Variants in CAPN3 observed in about 807,000 individuals in gnomAD.
The protein encoded by CAPN3 is calpain-3.
A neutral mutation model predicts 114.0 loss-of-function variants in CAPN3; 88 were observed. The observed-to-expected ratio is 0.77, with a 90% CI of 0.65 to 0.92. The LOEUF is 0.92. Among genes scored for constraint, CAPN3 ranks in the 40% least tolerant of loss-of-function variants. The pLI is 0.00. For synonymous variants in CAPN3, 386 were observed against 382.9 expected (o/e 1.01, Z -0.09); for missense variants, 1,028 against 1,069.0 (o/e 0.96, Z 0.53).
chr15:42,411,383 A>G, intron 23 of CAPN3, 38 bp downstream of exon 23: 2 of 1,595,442 alleles, frequency 1.3e-6, no homozygotes, highest in South Asian at 2.2e-5. Context: ...CTACACATTA[A>G]AACTCAAGGT....
At chr15:42,398,192 G>A (rs1197082871) in intron 9 of CAPN3, among the ~76,000 whole-genome samples, 1 of 151,666 alleles carries the variant, frequency 6.6e-6, no homozygotes, top group Non-Finnish European at 1.5e-5. Context: ...CATATACAAT[G>A]TGTAATGATC....
intron 9 of CAPN3, among the ~76,000 whole-genome samples, chr15:42,398,652 TATATACACACAC>T (rs1421189934): frequency 5.4e-5 from 8 of 147,634 alleles, no homozygotes; most frequent in African/African-American, 1.0e-4. Flanking sequence ...TACACACATA[TATATACACACAC>T]ATATACACAC....
intron 23 of CAPN3, 73 bp from the exon 24 acceptor site, chr15:42,411,674 T>G: frequency 1.7e-6 from 1 of 598,576 alleles, no homozygotes; most frequent in Non-Finnish European, 2.8e-6. Flanking sequence ...TCTTGCCCCG[T>G]AAGATTCCTA....
intron 8 of CAPN3, among the ~76,000 whole-genome samples, chr15:42,395,345 C>CT (rs1402079334): frequency 1.3e-5 from 2 of 152,162 alleles, no homozygotes; most frequent in Non-Finnish European, 2.9e-5. Flanking sequence ...CTGCCAGGCC[C>CT]TAGGCTACCC....
At chr15:42,407,032 C>G (rs1383169478) in intron 15 of CAPN3, among the ~76,000 whole-genome samples, 1 of 152,126 alleles carries the variant, frequency 6.6e-6, no homozygotes, top group Non-Finnish European at 1.5e-5. Flanking sequence ...AGAGGCTCTG[C>G]CTGCCCAGTT....
At chr15:42,406,495 C>T (rs926414245) in intron 15 of CAPN3, among the ~76,000 whole-genome samples, 5 of 152,136 alleles carry the variant, frequency 3.3e-5, no homozygotes, top group Non-Finnish European at 7.4e-5. Context: ...TGCTTGGGGT[C>T]AGTCCCTCTC....
intron 1 of CAPN3, among the ~76,000 whole-genome samples, chr15:42,370,660 G>A (rs1339364922): frequency 1.3e-5 from 2 of 152,122 alleles, no homozygotes; most frequent in Non-Finnish European, 1.5e-5. Context: ...GAACCAAACA[G>A]ACCCGGTCTG....
At chr15:42,362,690 C>T (rs924560522) in intron 1 of CAPN3, among the ~76,000 whole-genome samples, 5 of 152,182 alleles carry the variant, frequency 3.3e-5, no homozygotes, top group Non-Finnish European at 7.4e-5. Flanking sequence ...GCTCCAGTGT[C>T]CTTGCTTTAT....
chr15:42,394,463 ATGATCCGC>A, intron 8 of CAPN3, 122 bp downstream of exon 8: 1 of 809,196 alleles, frequency 1.2e-6, no homozygotes, highest in Non-Finnish European at 2.1e-6. Flanking sequence ...CTCAAAACCA[ATGATCCGC>A]AGAGAAGAGG....
Position 42,399,489 on chromosome 15 carries a change from C to T in CAPN3, c.1194-3C>T, listed in dbSNP as rs1326837167. 2 of 1,612,206 alleles carry T rather than the reference C, an allele frequency of 1.2e-6. No individual in the cohort carries two copies. The highest frequency in any genetic ancestry group is 1.6e-4 in the Middle Eastern group (1 of 6,084). On this transcript the variant is annotated splice_polypyrimidine_tract_variant and splice_region_variant and intron_variant, in intron 9 of 23. Coordinates refer to ENST00000397163, the MANE Select transcript of CAPN3 (RefSeq NM_000070.3). ...GGCTCTCTCTCTTCTTCCAACCTCTCAGGATGTCCTATGAGGATTTCATCT... is the reference window on the plus strand; with the variant it reads ...GGCTCTCTCTCTTCTTCCAACCTCTTAGGATGTCCTATGAGGATTTCATCT...
chr15:42,381,238 G>A (rs577942275), intron 1 of CAPN3, among the ~76,000 whole-genome samples: 1 of 151,870 alleles, frequency 6.6e-6, no homozygotes, highest in Admixed American at 6.6e-5. Context: ...TTCTTTATGT[G>A]GGTCCAAGTT....
At chr15:42,385,529 C>CAGAG (rs560457739) in intron 2 of CAPN3, 2 of 382,292 alleles carry the variant, frequency 5.2e-6, no homozygotes, top group Admixed American at 3.2e-5. Context: ...TATATACACA[C>CAGAG]ACAGAGAGAG....
At chr15:42,380,751 A>ATTTTT (rs59923448) in intron 1 of CAPN3, among the ~76,000 whole-genome samples, 10 of 64,486 alleles carry the variant, frequency 1.6e-4, no homozygotes, top group African/African-American at 4.5e-4. Flanking sequence ...ATATATATAT[A>ATTTTT]TTTTTTTTTT....
chr15:42,396,101 G>C (rs1342664012), intron 8 of CAPN3, among the ~76,000 whole-genome samples: 3 of 152,126 alleles, frequency 2.0e-5, no homozygotes, highest in African/African-American at 7.2e-5. Flanking sequence ...GCCCATCCCA[G>C]CCCTGTGAAC....
chr15:42,366,759 G>A (rs370899840), intron 1 of CAPN3, among the ~76,000 whole-genome samples: 2 of 151,790 alleles, frequency 1.3e-5, no homozygotes, highest in South Asian at 2.1e-4. Context: ...GAAGCAACAG[G>A]GCTTGTGACG....
In CAPN3 at chr15:42,411,315, A is replaced by AGAT; in HGVS notation, c.2411_2413dup (p.Asp804dup). On this transcript the variant is annotated inframe_insertion, in exon 23 of 24. Coordinates refer to ENST00000397163, the MANE Select transcript of CAPN3 (RefSeq NM_000070.3). ...CTTTTCATGCATTTGACAAGGATGG[A>AGAT]GATGGTATCATCAAGCTCAACGTTC... The AGAT allele has an allele frequency of 6.2e-7, 1 of 1,614,142 alleles. No individual in the cohort carries two copies. Among genetic ancestry groups the AGAT allele is most frequent in the Non-Finnish European group, 8.5e-7 (1 of 1,179,996 alleles).
chr15:42,396,684 C>G lies in CAPN3; in HGVS notation c.1116-116C>G, dbSNP rs16973233. On this transcript the variant is annotated intron_variant, in intron 8 of 23. Transcript: ENST00000397163. ...CACTGAGGTTAACAGGTGAAGTCAG[C>G]ATTTTGGTAGTTCACAGCAGCTGCA... 8.6e-3 allele frequency: 6,808 copies of G among 788,986 alleles called. 321 individuals carry two copies. The African/African-American group carries it at 0.1, about 12-fold the overall frequency. The allele number at this position is 788,986 out of a possible 1,614,324, so 48.9% of individuals were successfully genotyped here. A position where few individuals can be genotyped will look rare whatever the true frequency, so the allele number is the denominator to read the frequency against.
intron 13 of CAPN3, among the ~76,000 whole-genome samples, chr15:42,403,341 A>C (rs902808775): frequency 1.6e-4 from 25 of 152,182 alleles, no homozygotes; most frequent in African/African-American, 5.6e-4. Flanking sequence ...TGGAGCAAAA[A>C]TAAAGTAGGG....
chr15:42,409,716 G>A, intron 17 of CAPN3, 71 bp from the exon 18 acceptor site: 1 of 1,361,422 alleles, frequency 7.3e-7, no homozygotes. Context: ...GGTGGAATTT[G>A]TTTTGCAAAG....
Sources: allele counts gnomAD v4.1 joint callset (sites outside exome capture counted in the v4.1 genomes callset), GRCh38; gene constraint gnomAD v4.1.1; transcripts MANE v1.5; gene names NCBI Gene and HGNC (gene_info 2026-07-23, HGNC 2026-07-21).